SAP130: variants seen among roughly 807,000 people sequenced by gnomAD.
The protein encoded by SAP130 is Sin3A associated protein 130.
In SAP130, 16 loss-of-function variants were observed where a neutral mutation model predicts 103.2. The observed-to-expected ratio is 0.16, with a 90% CI of 0.10 to 0.24. The LOEUF is 0.24. Among genes scored for constraint, SAP130 ranks in the 10% least tolerant of loss-of-function variants. The probability of loss-of-function intolerance (pLI) is 1.00; values close to 1 mark genes in which losing one functional copy is unlikely to be tolerated. For missense variants in SAP130, 990 were observed against 1,359.7 expected (o/e 0.73, Z 4.28); for synonymous variants, 477 against 497.0 (o/e 0.96, Z 0.53).
intron 3 of SAP130, among the ~76,000 whole-genome samples, chr2:128,016,884 A>C (rs1330947112): frequency 6.6e-6 from 1 of 152,216 alleles, no homozygotes; most frequent in East Asian, 1.9e-4. Context: ...GGATTGAACA[A>C]AACTCCCAGT....
At chr2:128,024,713 C>T (rs1182433400) in intron 2 of SAP130, among the ~76,000 whole-genome samples, 7 of 113,386 alleles carry the variant, frequency 6.2e-5, no homozygotes, top group African/African-American at 2.5e-4. Context: ...ACTAAAAATG[C>T]GAAAAAAAAA....
chr2:127,974,292 C>A (rs540416634), intron 15 of SAP130, among the ~76,000 whole-genome samples: 47 of 152,296 alleles, frequency 3.1e-4, no homozygotes, highest in African/African-American at 1.1e-3. Context: ...GAATAGCCCA[C>A]AAGGCCCTAA....
chr2:127,979,397 G>A (rs1212784998), intron 14 of SAP130, among the ~76,000 whole-genome samples: 2 of 152,114 alleles, frequency 1.3e-5, no homozygotes, highest in Non-Finnish European at 2.9e-5. Flanking sequence ...TGTTACAGCA[G>A]CCCTAGGAAA....
chr2:128,027,120 C>T, intron 1 of SAP130: 1 of 1,405,892 alleles, frequency 7.1e-7, no homozygotes, highest in Non-Finnish European at 9.4e-7. Flanking sequence ...GCCCGCACCG[C>T]CCGCTTCTAT....
At position 127,955,326 on chromosome 2, in the gene SAP130, T is replaced by C; in HGVS notation, c.2082A>G (p.Glu694=). 1 of 1,568,878 alleles carries C rather than the reference T, an allele frequency of 6.4e-7. No individual in the cohort carries two copies. The highest frequency in any genetic ancestry group is 8.7e-7 in the Non-Finnish European group (1 of 1,152,434). The change falls in exon 16 of 21, where the codon GAA becomes GAG. Residue 694 remains glutamate (E), a synonymous_variant. Transcript: ENST00000643581. This position sits in a 1 kb window ranked among gnomAD's most constrained non-coding sequence, Gnocchi z 4.9. ...CCGGAGTGGCCATAGACACGTGGATTTCAGACTTGGGTTTGGCACTAAAAC... is the reference window on the plus strand; with the variant it reads ...CCGGAGTGGCCATAGACACGTGGATCTCAGACTTGGGTTTGGCACTAAAAC... The part of the protein sequence containing the change: ...PRPAGAKPKS[E]IHVSMATPVT...
At position 127,996,055 on chromosome 2, in the gene SAP130, G is replaced by A. The variant is rs533222387; in HGVS notation, c.1355+295C>T. 1.3e-5 allele frequency among the ~76,000 whole-genome samples: 2 copies of A among 152,218 alleles called. No individual in the cohort carries two copies. The highest frequency in any genetic ancestry group is 1.3e-4 in the Admixed American group (2 of 15,292). On this transcript the variant is annotated intron_variant, in intron 11 of 20. Transcript: ENST00000643581. This position sits in a 1 kb window ranked among gnomAD's most constrained non-coding sequence, Gnocchi z 4.3. ...TTTACTCTTCCGTGCTACAAATGGA[G>A]GTACTTACGGATAAATGGTCATAAT...
intron 10 of SAP130, among the ~76,000 whole-genome samples, chr2:127,998,131 C>T (rs1237510591): frequency 6.6e-6 from 1 of 151,424 alleles, no homozygotes; most frequent in Non-Finnish European, 1.5e-5. Context: ...GAAAAAAAAC[C>T]ATACATTCTC....
At chr2:128,000,606 G>T in intron 7 of SAP130, 152 bp from the exon 8 acceptor site, 1 of 806,544 alleles carries the variant, frequency 1.2e-6, no homozygotes, top group Non-Finnish European at 1.9e-6. Flanking sequence ...GGCAAAAGGT[G>T]CACTGAGTTT....
rs552860035 is a variant in SAP130 at position 128,014,738 on chromosome 2, T to C, written c.619+65A>G. 1,693 of 1,135,898 alleles carry C rather than the reference T, an allele frequency of 1.5e-3. 3 individuals are homozygous for C. The highest frequency in any genetic ancestry group is 1.9e-3 in the Non-Finnish European group (1,425 of 747,118). 70.4% of individuals were successfully genotyped at this position (1,135,898 alleles called of 1,614,324 possible). ...GATTCTAGATACATTCTGTGTTACG[T>C]ATTTTACCAAATGTATATCTACTAC... On this transcript the variant is annotated intron_variant, in intron 5 of 20. Coordinates refer to ENST00000643581, the MANE Select transcript of SAP130 (RefSeq NM_001330301.2).
intron 15 of SAP130, among the ~76,000 whole-genome samples, chr2:127,968,942 C>T (rs1175412753): frequency 6.6e-6 from 1 of 152,214 alleles, no homozygotes; most frequent in African/African-American, 2.4e-5. Flanking sequence ...TACAGCTACA[C>T]CAGACATGAG....
chr2:128,017,027 T>C (rs1573844822), intron 3 of SAP130, among the ~76,000 whole-genome samples: 2 of 152,224 alleles, frequency 1.3e-5, no homozygotes, highest in East Asian at 1.9e-4. Context: ...TCTGAACTTA[T>C]AACATTACTG....
intron 15 of SAP130, among the ~76,000 whole-genome samples, chr2:127,971,309 G>A (rs1269021082): frequency 7.6e-5 from 11 of 145,036 alleles, no homozygotes; most frequent in Admixed American, 2.8e-4. Flanking sequence ...TTTTTGAGAC[G>A]GAGTCTCGCT....
Position 127,955,396 on chromosome 2 carries a change from A to C in SAP130, c.2064-52T>G. 1 of 1,127,228 alleles carries C rather than the reference A, an allele frequency of 8.9e-7. No homozygotes were observed. The highest frequency in any genetic ancestry group is 1.5e-5 in the South Asian group (1 of 66,742). The allele number at this position is 1,127,228 out of a possible 1,614,324, so 69.8% of individuals were successfully genotyped here. ...AGCAAATAAGAAAAAAACTGCCTTC[A>C]TCTACAACATCTCAGAGGATGAGTA... On this transcript the variant is annotated intron_variant, in intron 15 of 20. Transcript: ENST00000643581. This position sits in a 1 kb window ranked among gnomAD's most constrained non-coding sequence, Gnocchi z 4.9.
At chr2:127,997,830 A>G (rs1683277186) in intron 10 of SAP130, among the ~76,000 whole-genome samples, 1 of 152,160 alleles carries the variant, frequency 6.6e-6, no homozygotes, top group Admixed American at 6.5e-5. Flanking sequence ...AAAAGCCATA[A>G]AGGCTGGATG....
intron 10 of SAP130, among the ~76,000 whole-genome samples, chr2:127,998,731 T>C (rs1030159670): frequency 6.6e-6 from 1 of 152,180 alleles, no homozygotes; most frequent in Non-Finnish European, 1.5e-5. Context: ...AGAACCAATC[T>C]CTAAAAAATT....
intron 14 of SAP130, 65 bp from the exon 15 acceptor site, chr2:127,978,154 AG>A (rs779157428): frequency 8.3e-6 from 10 of 1,200,532 alleles, no homozygotes; most frequent in African/African-American, 1.5e-5. Flanking sequence ...TAAGAAATAC[AG>A]GATGCACATT....
chr2:127,962,722 CTG>C (rs1375315639), intron 15 of SAP130, among the ~76,000 whole-genome samples: 33 of 95,814 alleles, frequency 3.4e-4, no homozygotes, highest in Non-Finnish European at 6.0e-4. Flanking sequence ...ACACCGGGGA[CTG>C]TTGTGGGGTG....
chr2:127,978,143 C>G, intron 14 of SAP130, 54 bp from the exon 15 acceptor site: 5 of 1,313,376 alleles, frequency 3.8e-6, no homozygotes, highest in Non-Finnish European at 5.4e-6. Flanking sequence ...GCATTCAAGG[C>G]TAAGAAATAC....
At chr2:127,987,130 A>G (rs1682459703) in intron 13 of SAP130, among the ~76,000 whole-genome samples, 168 bp from the exon 14 acceptor site, 1 of 152,234 alleles carries the variant, frequency 6.6e-6, no homozygotes, top group Non-Finnish European at 1.5e-5. Flanking sequence ...CAAAGAGCAG[A>G]TAGCTAAATG....
Sources: allele counts gnomAD v4.1 joint callset (sites outside exome capture counted in the v4.1 genomes callset), GRCh38; gene constraint gnomAD v4.1.1; non-coding constraint Gnocchi (gnomAD v3.1); transcripts MANE v1.5; gene names NCBI Gene and HGNC (gene_info 2026-07-23, HGNC 2026-07-21).